COL5A2: variants seen among roughly 807,000 people sequenced by gnomAD.
COL5A2 encodes the protein collagen alpha-2(V) chain.
A neutral mutation model predicts 208.2 loss-of-function variants in COL5A2; 23 were observed. The ratio of observed to expected loss-of-function variants is 0.11; its 90% CI spans 0.08 to 0.16. The LOEUF (loss-of-function observed/expected upper bound fraction) is 0.16. COL5A2 is among the 10% of genes least tolerant of loss of function. The pLI is 1.00. For synonymous variants in COL5A2, 625 were observed against 628.5 expected, an observed-to-expected ratio of 0.99 and a Z score of 0.08; for missense variants, 1,590 against 1,956.4, an observed-to-expected ratio of 0.81 and a Z score of 3.53.
chr2:189,068,870 A>T lies in COL5A2; in HGVS notation c.1173T>A (p.Pro391=). ...GACCTTCAGGGCCTCGCGCCCCTGT[A>T]GGACCTGCTTCTCCCTAAAAGGGTG... is the stretch of plus-strand genomic sequence containing the variant. ...GNPGMKGEAG[P]TGARGPEGPQ... Residue 391 remains proline (P), a synonymous_variant, in exon 19 of 54, where the codon CCT becomes CCA. Transcript: ENST00000374866. 3 of 1,612,366 alleles carry T rather than the reference A, an allele frequency of 1.9e-6. No homozygotes were observed. Among genetic ancestry groups the T allele is most frequent in the South Asian group, 2.2e-5 (2 of 91,034 alleles).
At chr2:189,280,652 T>C in the COL5A2 span, among the ~76,000 whole-genome samples, 3 of 152,176 alleles carry the variant, frequency 2.0e-5, no homozygotes, top group East Asian at 5.8e-4. Flanking sequence ...CAATTCTGTA[T>C]TTTCCAGGAC....
At chr2:189,101,345 A>G (rs1364295190) in intron 3 of COL5A2, among the ~76,000 whole-genome samples, 3 of 152,056 alleles carry the variant, frequency 2.0e-5, no homozygotes, top group Non-Finnish European at 2.9e-5. Context: ...AACCCTAAAT[A>G]TCCTACTCAA....
intron 1 of COL5A2, among the ~76,000 whole-genome samples, chr2:189,173,322 A>G (rs1393542536): frequency 5.3e-5 from 8 of 152,172 alleles, no homozygotes; most frequent in African/African-American, 1.9e-4. Context: ...ATCTTGCTTT[A>G]TTGTAATTTC....
At chr2:189,263,251 C>T in the COL5A2 span, among the ~76,000 whole-genome samples, 1 of 152,054 alleles carries the variant, frequency 6.6e-6, no homozygotes, top group Non-Finnish European at 1.5e-5. Context: ...ACCTTGAGAA[C>T]CACAGGTCTA....
At chr2:189,089,481 G>A (rs1281913585) in intron 7 of COL5A2, among the ~76,000 whole-genome samples, 1 of 152,146 alleles carries the variant, frequency 6.6e-6, no homozygotes, top group Non-Finnish European at 1.5e-5. Flanking sequence ...ACAATCTGTT[G>A]AGAAAAATGT....
At chr2:189,258,661 G>A in the COL5A2 span, among the ~76,000 whole-genome samples, 3 of 152,156 alleles carry the variant, frequency 2.0e-5, no homozygotes, top group Non-Finnish European at 2.9e-5. Context: ...AGTCTGTGTG[G>A]GAGACTTGTA....
At chr2:189,328,465 A>T in the COL5A2 span, among the ~76,000 whole-genome samples, 1 of 152,298 alleles carries the variant, frequency 6.6e-6, no homozygotes, top group Middle Eastern at 3.4e-3. Flanking sequence ...CATGCAAGAG[A>T]GGCCCTGATG....
At chr2:189,119,332 A>C (rs1442222320) in intron 1 of COL5A2, among the ~76,000 whole-genome samples, 1 of 152,096 alleles carries the variant, frequency 6.6e-6, no homozygotes, top group East Asian at 1.9e-4. Context: ...ACTTTACTAC[A>C]TCAAGAAGGA....
At chr2:189,187,102 A>G (rs1688862505) in intron 1 of COL5A2, among the ~76,000 whole-genome samples, 1 of 152,232 alleles carries the variant, frequency 6.6e-6, no homozygotes, top group African/African-American at 2.4e-5. Flanking sequence ...AAATAATATG[A>G]GAGCTTGGCT....
chr2:189,112,422 CA>C (rs1687302206), intron 1 of COL5A2, among the ~76,000 whole-genome samples: 1 of 152,062 alleles, frequency 6.6e-6, no homozygotes, highest in Non-Finnish European at 1.5e-5. Flanking sequence ...GATATTAATA[CA>C]AAAATCTGCT....
At chr2:189,067,950 T>TTA in intron 21 of COL5A2, 65 bp downstream of exon 21, 2 of 1,275,194 alleles carry the variant, frequency 1.6e-6, no homozygotes, top group Admixed American at 1.7e-5. Flanking sequence ...ACATGACATG[T>TTA]TATTACTCTT....
chr2:189,193,358 C>T (rs925973398), intron 1 of COL5A2, among the ~76,000 whole-genome samples: 1 of 152,044 alleles, frequency 6.6e-6, no homozygotes, highest in Non-Finnish European at 1.5e-5. Context: ...TAATATCCTG[C>T]TGGGAAAAAA....
At chr2:189,434,970 A>G in the COL5A2 span, among the ~76,000 whole-genome samples, 2 of 152,244 alleles carry the variant, frequency 1.3e-5, no homozygotes, top group Admixed American at 1.3e-4. Context: ...TACTGTTACC[A>G]AAACAGAGAT....
chr2:189,220,215 G>T (rs1041470063), intron 1 of COL5A2, among the ~76,000 whole-genome samples: 1 of 152,134 alleles, frequency 6.6e-6, no homozygotes, highest in Non-Finnish European at 1.5e-5. Flanking sequence ...GTATATTGCT[G>T]TGTCCAACAC....
In COL5A2 at chr2:189,034,910, A is replaced by T; in HGVS notation, c.4353+6T>A. Reference sequence around the variant, plus strand: ...ACCAGATCAATGTAGATCAAAAAGTACTTACAGAGCAAGTGTCTTGAAGAA... The same window carrying T: ...ACCAGATCAATGTAGATCAAAAAGTTCTTACAGAGCAAGTGTCTTGAAGAA... On this transcript the variant is annotated splice_donor_region_variant and intron_variant, in intron 53 of 53. Coordinates refer to ENST00000374866, the MANE Select transcript of COL5A2 (RefSeq NM_000393.5). 6.2e-7 allele frequency: 1 copy of T among 1,613,884 alleles called. No individual in the cohort carries two copies. Among genetic ancestry groups the T allele is most frequent in the Middle Eastern group, 1.7e-4 (1 of 6,058 alleles).
At chr2:189,284,844 C>T in the COL5A2 span, among the ~76,000 whole-genome samples, 1 of 151,954 alleles carries the variant, frequency 6.6e-6, no homozygotes, top group Admixed American at 6.6e-5. Flanking sequence ...TTGCTCTGAC[C>T]ACTGTTGTTC....
At chr2:189,360,983 T>TTTA in the COL5A2 span, among the ~76,000 whole-genome samples, 1 of 152,032 alleles carries the variant, frequency 6.6e-6, no homozygotes, top group Non-Finnish European at 1.5e-5. Context: ...TTTTTTTTTT[T>TTTA]TTTAATTTGT....
chr2:189,061,593 T>C lies in COL5A2; in HGVS notation c.2000A>G (p.Glu667Gly). Residue 667 changes from glutamate to glycine, a missense_variant, in exon 30 of 54, where the codon GAA becomes GGA. Coordinates refer to ENST00000374866, the MANE Select transcript of COL5A2 (RefSeq NM_000393.5). ...ACCTGTGGGGCCTGGAGGTCCTTGT[T>C]CTCCTCTTTCACCAGCTAGACCCTA... is the stretch of plus-strand genomic sequence containing the variant. ...GPPGLAGERG[E>G]QGPPGPTGFQ... 6.2e-7 allele frequency: 1 copy of C among 1,613,368 alleles called. No homozygotes were observed. Among genetic ancestry groups the C allele is most frequent in the Non-Finnish European group, 8.5e-7 (1 of 1,179,478 alleles).
chr2:189,311,216 T>C, the COL5A2 span: 4 of 1,287,866 alleles, frequency 3.1e-6, no homozygotes, highest in African/African-American at 5.8e-5. Context: ...TCTGAACTTT[T>C]TATTGGCCTC....
Sources: gnomAD v4.1 joint callset for allele counts (sites outside exome capture counted in the v4.1 genomes callset) on GRCh38, gnomAD v4.1.1 for gene constraint, MANE v1.5 for transcripts, NCBI Gene and HGNC (gene_info 2026-07-23, HGNC 2026-07-21) for gene names.